The following VRTN variants were observed in gnomAD, a reference collection of about 807,000 sequenced individuals.
The protein encoded by VRTN is vertnin.
A neutral mutation model predicts 18.2 loss-of-function variants in VRTN; 5 were observed. That is an observed-to-expected ratio of 0.27 (90% confidence interval 0.14 to 0.58). VRTN has a LOEUF of 0.58. VRTN is among the 20% of genes least tolerant of loss of function. The probability of loss-of-function intolerance (pLI) is 0.91; values close to 1 mark genes in which losing one functional copy is unlikely to be tolerated. For missense variants in VRTN, 741 were observed against 939.4 expected (o/e 0.79, Z 2.76); for synonymous variants, 381 against 393.7 (o/e 0.97, Z 0.38).
chr14:74,304,084 C>T (rs1447973305), intron 1 of VRTN, among the ~76,000 whole-genome samples: 1 of 151,980 alleles, frequency 6.6e-6, no homozygotes, highest in African/African-American at 2.4e-5. Context: ...CTCCTAACCT[C>T]AGGTGATCTG....
intron 1 of VRTN, among the ~76,000 whole-genome samples, chr14:74,326,155 C>T (rs181679685): frequency 6.6e-6 from 1 of 152,214 alleles, no homozygotes; most frequent in Admixed American, 6.5e-5. Flanking sequence ...TTCTCTGGGA[C>T]CTCAATTGAT....
At chr14:74,354,129 T>C (rs1234622478) in intron 1 of VRTN, among the ~76,000 whole-genome samples, 1 of 152,202 alleles carries the variant, frequency 6.6e-6, no homozygotes, top group Admixed American at 6.5e-5. Context: ...TTTTTCTGTA[T>C]CTCCATAGTA....
At chr14:74,318,477 G>A (rs962863457) in intron 1 of VRTN, among the ~76,000 whole-genome samples, 11 of 151,966 alleles carry the variant, frequency 7.2e-5, no homozygotes, top group Non-Finnish European at 1.5e-4. Flanking sequence ...CTCCATGTTG[G>A]TCAGGCTGTT....
In VRTN at chr14:74,320,899, A is replaced by T. The variant is rs1003762437; in HGVS notation, c.-163-16824A>T. On this transcript the variant is annotated intron_variant, in intron 1 of 2. Coordinates refer to the VRTN transcript ENST00000557177. Reference sequence around the variant, plus strand: ...TTGCCTGGCCAGATCCCATCTCTTTAAAAAAAAAAAAAAAAAAAAAAAAGC... The same window carrying T: ...TTGCCTGGCCAGATCCCATCTCTTTTAAAAAAAAAAAAAAAAAAAAAAAGC... Among the ~76,000 whole-genome samples the T allele has an allele frequency of 8.8e-5, 10 of 113,026 alleles. 1 individual carries two copies. In the South Asian group the frequency reaches 2.4e-3, roughly 27 times the overall value. The allele number at this position is 113,026 out of a possible 152,430, so 74.1% of individuals were successfully genotyped here.
At chr14:74,313,407 TA>T (rs1003737995) in intron 1 of VRTN, among the ~76,000 whole-genome samples, 1 of 152,040 alleles carries the variant, frequency 6.6e-6, no homozygotes, top group African/African-American at 2.4e-5. Context: ...TGAAAGTTCT[TA>T]AAAAAAATGA....
chr14:74,330,348 GA>G (rs1262481088), intron 1 of VRTN, among the ~76,000 whole-genome samples: 1 of 151,418 alleles, frequency 6.6e-6, no homozygotes, highest in East Asian at 1.9e-4. Flanking sequence ...TCTTTCTGGG[GA>G]AAAAAAGTAA....
chr14:74,343,511 T>TA (rs1303346393), upstream of VRTN, among the ~76,000 whole-genome samples: 9 of 152,230 alleles, frequency 5.9e-5, no homozygotes, highest in Non-Finnish European at 1.3e-4. Context: ...CGGCTATACT[T>TA]GTACATGTGG....
At chr14:74,313,355 TAAGAAATTCCTGAGCAAAAAAA>T (rs1001963510) in intron 1 of VRTN, among the ~76,000 whole-genome samples, 5 of 152,078 alleles carry the variant, frequency 3.3e-5, no homozygotes, top group Non-Finnish European at 4.4e-5. Flanking sequence ...ATGGCCATCC[TAAGAAATTCCTGAGCAAAAAAA>T]AAGAAATTCC....
intron 1 of VRTN, among the ~76,000 whole-genome samples, chr14:74,328,498 G>C: frequency 6.6e-6 from 1 of 152,238 alleles, no homozygotes; most frequent in Middle Eastern, 3.4e-3. Context: ...TTACAGGAAG[G>C]AACTTTTGCA....
In VRTN at chr14:74,334,818, G is replaced by A. The variant is rs936141964; in HGVS notation, c.-163-2905G>A. On this transcript the variant is annotated intron_variant, in intron 1 of 2. Transcript: ENST00000557177. ...TCTTGCATACTCCCAGGTACATGCC[G>A]CCCACCTCTGAGCTCCTTGGTACGG... is the stretch of plus-strand genomic sequence containing the variant. 5.3e-5 allele frequency among the ~76,000 whole-genome samples: 8 copies of A among 152,256 alleles called. No homozygotes were observed. The East Asian group carries it at 1.5e-3, about 29-fold the overall frequency.
At chr14:74,329,873 G>C in intron 1 of VRTN, among the ~76,000 whole-genome samples, 1 of 146,212 alleles carries the variant, frequency 6.8e-6, no homozygotes, top group African/African-American at 2.6e-5. Context: ...CACCGGGCCT[G>C]GGCTTTTTTT....
chr14:74,305,097 C>T (rs555467486), intron 1 of VRTN, among the ~76,000 whole-genome samples: 141 of 152,094 alleles, frequency 9.3e-4, no homozygotes, highest in Non-Finnish European at 1.8e-3. Context: ...TTTTGGAGGC[C>T]GAAGCAGGCA....
intron 1 of VRTN, among the ~76,000 whole-genome samples, chr14:74,352,951 TA>T (rs1227310492): frequency 1.3e-5 from 2 of 152,184 alleles, no homozygotes; most frequent in African/African-American, 4.8e-5. Flanking sequence ...AGTTTTGTGT[TA>T]AAAGGTGGTT....
chr14:74,357,385 A>G lies in VRTN; in HGVS notation c.602A>G (p.Tyr201Cys). Residue 201 changes from tyrosine (Y) to cysteine (C), a missense_variant, in exon 2 of 2, where the codon TAC becomes TGC. Transcript: ENST00000256362. This position sits in a 1 kb window ranked among gnomAD's most constrained non-coding sequence, Gnocchi z 7.8. Reference protein sequence around the residue: ...YPMRNLKIRPYFNRVIRPRRC... With the variant: ...YPMRNLKIRPCFNRVIRPRRC... Reference sequence around the variant, plus strand: ...ATGCGCAACCTCAAGATCCGGCCCTACTTCAACCGTGTCATCCGGCCCCGC... The same window carrying G: ...ATGCGCAACCTCAAGATCCGGCCCTGCTTCAACCGTGTCATCCGGCCCCGC... 6.2e-7 allele frequency: 1 copy of G among 1,613,448 alleles called. No homozygotes were observed. The highest frequency in any genetic ancestry group is 8.5e-7 in the Non-Finnish European group (1 of 1,179,944).
chr14:74,340,681 G>A (rs532691826), intron 2 of VRTN, among the ~76,000 whole-genome samples: 1 of 152,358 alleles, frequency 6.6e-6, no homozygotes, highest in South Asian at 2.1e-4. Flanking sequence ...ATGACTGAAT[G>A]TATGAATAAA....
chr14:74,322,083 T>C (rs2085459537), intron 1 of VRTN, among the ~76,000 whole-genome samples: 1 of 151,390 alleles, frequency 6.6e-6, no homozygotes, highest in African/African-American at 2.4e-5. Flanking sequence ...CTTGACCTCA[T>C]GATCCACCTG....
At chr14:74,310,624 G>A (rs185874896) in intron 1 of VRTN, among the ~76,000 whole-genome samples, 163 of 142,988 alleles carry the variant, frequency 1.1e-3, no homozygotes, top group African/African-American at 3.8e-3. Flanking sequence ...TGCAGCCTCC[G>A]CCTCCTGGGT....
At chr14:74,351,508 T>TG (rs1163448748) in intron 1 of VRTN, among the ~76,000 whole-genome samples, 14 of 149,204 alleles carry the variant, frequency 9.4e-5, no homozygotes, top group African/African-American at 3.4e-4. Flanking sequence ...TTTTTTTTTT[T>TG]TTTTTTTTTT....
At chr14:74,342,943 GCT>G (rs2085617920) in intron 2 of VRTN, among the ~76,000 whole-genome samples, 1 of 151,992 alleles carries the variant, frequency 6.6e-6, no homozygotes, top group African/African-American at 2.4e-5. Flanking sequence ...TATGAAAAAT[GCT>G]CTTTCATCAT....
Sources: gnomAD v4.1 joint callset for allele counts (sites outside exome capture counted in the v4.1 genomes callset) on GRCh38, gnomAD v4.1.1 for gene constraint, Gnocchi (gnomAD v3.1) non-coding constraint, MANE v1.5 for transcripts, NCBI Gene and HGNC (gene_info 2026-07-23, HGNC 2026-07-21) for gene names.